CDH8: variants seen among roughly 807,000 people sequenced by gnomAD.
The protein encoded by CDH8 is cadherin-8.
Under a neutral mutation model 68.1 loss-of-function variants are expected in CDH8, and 17 were observed. That is an observed-to-expected ratio of 0.25 (90% CI 0.17 to 0.37). The LOEUF is 0.37. Among genes scored for constraint, CDH8 ranks in the 10% least tolerant of loss-of-function variants. The pLI, the probability that CDH8 is intolerant of heterozygous loss-of-function variation, is 1.00. For synonymous variants in CDH8, 372 were observed against 365.1 expected (o/e 1.02, Z -0.21); for missense variants, 763 against 999.3 (o/e 0.76, Z 3.19).
chr16:61,680,515 T>G (rs1963991996), intron 10 of CDH8, among the ~76,000 whole-genome samples: 1 of 151,720 alleles, frequency 6.6e-6, no homozygotes, highest in African/African-American at 2.4e-5. Context: ...TCTCATACTT[T>G]ACATCTTAGC....
At chr16:61,715,244 G>A (rs1964703087) in intron 9 of CDH8, among the ~76,000 whole-genome samples, 1 of 151,430 alleles carries the variant, frequency 6.6e-6, no homozygotes, top group South Asian at 2.1e-4. Context: ...TAGCTTGAGT[G>A]ACAAAATAAC....
At chr16:61,713,120 AT>A (rs886660541) in intron 10 of CDH8, among the ~76,000 whole-genome samples, 148 of 151,660 alleles carry the variant, frequency 9.8e-4, no homozygotes, top group Non-Finnish European at 1.9e-3. Context: ...CAAGTTTTAA[AT>A]TTTTTTTAAT....
At chr16:61,960,013 T>TATATATATATACACAC (rs1428445364) in intron 2 of CDH8, among the ~76,000 whole-genome samples, 1 of 80,552 alleles carries the variant, frequency 1.2e-5, no homozygotes, top group Non-Finnish European at 2.2e-5. Context: ...TATATATATA[T>TATATATATATACACAC]ATACACACAT....
intron 8 of CDH8, among the ~76,000 whole-genome samples, chr16:61,748,141 C>A (rs1662092016): frequency 6.6e-6 from 1 of 151,930 alleles, no homozygotes; most frequent in South Asian, 2.1e-4. Flanking sequence ...TCAGTCAGTA[C>A]AACCAAACTA....
intron 10 of CDH8, among the ~76,000 whole-genome samples, chr16:61,713,375 T>C (rs1277644604): frequency 6.6e-6 from 1 of 151,694 alleles, no homozygotes; most frequent in Non-Finnish European, 1.5e-5. Flanking sequence ...CTGAACTAAC[T>C]GTTATTGTTA....
At chr16:61,863,985 C>G (rs1432692153) in intron 3 of CDH8, among the ~76,000 whole-genome samples, 1 of 152,172 alleles carries the variant, frequency 6.6e-6, no homozygotes, top group East Asian at 1.9e-4. Flanking sequence ...TCCTCTCATC[C>G]TTATTAATTC....
chr16:61,991,446 A>T (rs1965719630), intron 2 of CDH8, among the ~76,000 whole-genome samples: 1 of 152,254 alleles, frequency 6.6e-6, no homozygotes, highest in Admixed American at 6.5e-5. Flanking sequence ...GACTCAACTT[A>T]GGCAAGCAAT....
At chr16:61,799,890 G>A (rs1009621268) in intron 7 of CDH8, among the ~76,000 whole-genome samples, 3 of 152,102 alleles carry the variant, frequency 2.0e-5, no homozygotes, top group Non-Finnish European at 2.9e-5. Flanking sequence ...AGCAAGATAT[G>A]GTCTATTAAC....
chr16:61,832,331 A>AG (rs1555513534), intron 4 of CDH8, among the ~76,000 whole-genome samples: 3 of 143,190 alleles, frequency 2.1e-5, no homozygotes, highest in East Asian at 2.1e-4. Context: ...ACAGATAGAT[A>AG]ATAGATAGAT....
chr16:61,747,930 C>T (rs755525640), intron 8 of CDH8, among the ~76,000 whole-genome samples: 1 of 151,932 alleles, frequency 6.6e-6, no homozygotes, highest in Non-Finnish European at 1.5e-5. Context: ...AGTTATTTGG[C>T]TAAAAAATAA....
intron 9 of CDH8, chr16:61,726,744 A>T: frequency 2.9e-6 from 1 of 349,800 alleles, no homozygotes; most frequent in Non-Finnish European, 5.1e-6. Context: ...TCTCCTCTCC[A>T]CGAGGTTTTA....
intron 2 of CDH8, among the ~76,000 whole-genome samples, chr16:62,012,110 G>A (rs531163240): frequency 1.8e-4 from 28 of 152,288 alleles, no homozygotes; most frequent in African/African-American, 6.0e-4. Flanking sequence ...CCACTGTCTA[G>A]CAAACATTCT....
intron 10 of CDH8, among the ~76,000 whole-genome samples, chr16:61,712,175 A>C (rs2142866637): frequency 6.6e-6 from 1 of 151,824 alleles, no homozygotes; most frequent in South Asian, 2.1e-4. Context: ...ACCTTCTACT[A>C]ATTCCAAAAT....
intron 2 of CDH8, among the ~76,000 whole-genome samples, chr16:61,908,927 C>T (rs1397126): frequency 6.6e-6 from 1 of 151,804 alleles, no homozygotes; most frequent in Non-Finnish European, 1.5e-5. Context: ...ATCACATAGT[C>T]TAAGGAAAAA....
intron 7 of CDH8, among the ~76,000 whole-genome samples, chr16:61,801,613 C>T (rs1388282005): frequency 6.6e-6 from 1 of 152,078 alleles, no homozygotes. Flanking sequence ...GTGCGTGCAC[C>T]ATGCGCGAGC....
At chr16:61,819,174 G>C (rs894506548) in intron 6 of CDH8, among the ~76,000 whole-genome samples, 7 of 151,838 alleles carry the variant, frequency 4.6e-5, no homozygotes, top group African/African-American at 1.7e-4. Context: ...AATGAACCCA[G>C]ACACATTCTG....
chr16:61,665,788 C>A (rs1963660218), intron 10 of CDH8, among the ~76,000 whole-genome samples: 3 of 124,712 alleles, frequency 2.4e-5, no homozygotes, highest in Admixed American at 2.4e-4. Context: ...TCCTTCCTTC[C>A]TTCCTTCCTT....
At chr16:61,902,284 C>T (rs1963988210) in intron 2 of CDH8, among the ~76,000 whole-genome samples, 1 of 152,058 alleles carries the variant, frequency 6.6e-6, no homozygotes, top group African/African-American at 2.4e-5. Context: ...GTGTGTCAGG[C>T]AAATAGTCTG....
At chr16:61,923,611 A>G (rs899461516) in intron 2 of CDH8, among the ~76,000 whole-genome samples, 1 of 151,666 alleles carries the variant, frequency 6.6e-6, no homozygotes, top group African/African-American at 2.4e-5. Context: ...GTGAAATACT[A>G]TATGTCACAT....
Sources: allele counts gnomAD v4.1 joint callset (sites outside exome capture counted in the v4.1 genomes callset), GRCh38; gene constraint gnomAD v4.1.1; transcripts MANE v1.5; gene names NCBI Gene and HGNC (gene_info 2026-07-23, HGNC 2026-07-21).